Variants in IQSEC1 observed in about 807,000 individuals in gnomAD.
IQSEC1 encodes the protein IQ motif and Sec7 domain ArfGEF 1.
IQSEC1 carries 31 observed loss-of-function variants against 91.0 expected under a neutral mutation model. That is an observed-to-expected ratio of 0.34 (90% CI 0.26 to 0.46). The LOEUF (loss-of-function observed/expected upper bound fraction) is 0.46. Ranked by LOEUF, IQSEC1 falls within the 20% of genes least tolerant of loss-of-function variation. The pLI is 1.00. For synonymous variants in IQSEC1, 699 were observed against 662.6 expected (o/e 1.05, Z -0.84); for missense variants, 1,388 against 1,575.6 (o/e 0.88, Z 2.02).
intron 2 of IQSEC1, among the ~76,000 whole-genome samples, chr3:13,150,277 G>A (rs550292529): frequency 1.3e-5 from 2 of 152,238 alleles, no homozygotes; most frequent in Non-Finnish European, 2.9e-5. Flanking sequence ...GACAAGATCA[G>A]ACACCTGGGA....
At chr3:13,248,745 A>G (rs1695146720) in intron 1 of IQSEC1, among the ~76,000 whole-genome samples, 1 of 128,438 alleles carries the variant, frequency 7.8e-6, no homozygotes, top group Non-Finnish European at 1.6e-5. Flanking sequence ...AGACCAGGCT[A>G]TTTTTATTAT....
At chr3:12,913,388 T>C in intron 9 of IQSEC1, 40 bp downstream of exon 9, 1 of 1,552,084 alleles carries the variant, frequency 6.4e-7, no homozygotes, top group Non-Finnish European at 8.8e-7. Flanking sequence ...GGCTCAGGCT[T>C]GAGGTCCCTG....
intron 1 of IQSEC1, among the ~76,000 whole-genome samples, chr3:12,957,860 C>G (rs2125460051): frequency 6.6e-6 from 1 of 152,374 alleles, no homozygotes; most frequent in African/African-American, 2.4e-5. Context: ...AGTCCATGAA[C>G]TACGGTGACA....
At chr3:13,130,240 A>C (rs1249082576) in intron 2 of IQSEC1, among the ~76,000 whole-genome samples, 4 of 150,720 alleles carry the variant, frequency 2.7e-5, no homozygotes, top group African/African-American at 2.4e-5. Context: ...GCTACTCGGA[A>C]GGCTAAGATA....
Position 12,909,552 on chromosome 3 carries a change from C to T in IQSEC1, c.2417-118G>A, listed in dbSNP as rs1247598757. On this transcript the variant is annotated intron_variant, in intron 10 of 13. Coordinates refer to ENST00000613206, the MANE Select transcript of IQSEC1 (RefSeq NM_001134382.3). This position sits in a 1 kb window ranked among gnomAD's most constrained non-coding sequence, Gnocchi z 4.9. ...TTGTGCGTGAGCCTGGGATAAGTGC[C>T]GGGAGTCCAGCCTCCGCAGTGGCAG... is the stretch of plus-strand genomic sequence containing the variant. 11 of 1,031,874 alleles carry T rather than the reference C, an allele frequency of 1.1e-5. No homozygotes were observed. The highest frequency in any genetic ancestry group is 9.2e-5 in the Admixed American group (4 of 43,444). 63.9% of individuals were successfully genotyped at this position (1,031,874 alleles called of 1,614,324 possible). A position where few individuals can be genotyped will look rare whatever the true frequency, so the allele number is the denominator to read the frequency against.
chr3:13,272,918 AAG>A, intron 1 of IQSEC1, among the ~76,000 whole-genome samples: 1 of 152,224 alleles, frequency 6.6e-6, no homozygotes, highest in East Asian at 1.9e-4. Context: ...GTGGGTAGAT[AAG>A]AGACATGTGC....
intron 1 of IQSEC1, among the ~76,000 whole-genome samples, chr3:13,206,200 T>TCCATCCAC (rs1417460528): frequency 7.1e-6 from 1 of 141,438 alleles, no homozygotes; most frequent in Admixed American, 7.0e-5. Flanking sequence ...CATCCACCCC[T>TCCATCCAC]CCATCCACCC....
rs187162134 is a variant in IQSEC1, at chr3:12,987,408, C to A, written c.24-45543G>T. On this transcript the variant is annotated intron_variant, in intron 1 of 13. Coordinates refer to ENST00000613206, the MANE Select transcript of IQSEC1 (RefSeq NM_001134382.3). ...CCTGGGAATGGGTATATGTGTGCAC[C>A]TGGGGCCGTGCATGTGCACACATGT... Among the ~76,000 whole-genome samples the A allele has an allele frequency of 1.3e-3, 192 of 152,312 alleles. 1 individual carries two copies. The highest frequency in any genetic ancestry group is 4.4e-3 in the African/African-American group (183 of 41,568).
intron 1 of IQSEC1, among the ~76,000 whole-genome samples, chr3:13,023,994 A>G (rs1379157410): frequency 2.0e-5 from 3 of 152,160 alleles, no homozygotes; most frequent in Non-Finnish European, 4.4e-5. Flanking sequence ...TCCCCATTCC[A>G]TCATGGAACC....
In IQSEC1 at chr3:12,967,709, C is replaced by G. The variant is rs966582496; in HGVS notation, c.24-25844G>C. 47 of 1,123,802 alleles carry G rather than the reference C, an allele frequency of 4.2e-5. No individual in the cohort carries two copies. Among genetic ancestry groups the G allele is most frequent in the African/African-American group, 6.7e-5 (4 of 59,584 alleles). The allele number at this position is 1,123,802 out of a possible 1,614,324, so 69.6% of individuals were successfully genotyped here. On this transcript the variant is annotated intron_variant, in intron 1 of 13. Coordinates refer to ENST00000613206, the MANE Select transcript of IQSEC1 (RefSeq NM_001134382.3). This position sits in a 1 kb window ranked among gnomAD's most constrained non-coding sequence, Gnocchi z 5.9. Reference sequence around the variant, plus strand: ...CGCTTGGCGCAGCGCGAGGCCGGGCCGGAGGAATGTGGCCCTGAAGTGGGC... The same window carrying G: ...CGCTTGGCGCAGCGCGAGGCCGGGCGGGAGGAATGTGGCCCTGAAGTGGGC...
chr3:13,005,973 G>A (rs1702618853), intron 1 of IQSEC1, among the ~76,000 whole-genome samples: 1 of 152,218 alleles, frequency 6.6e-6, no homozygotes, highest in African/African-American at 2.4e-5. Context: ...TCTGATATGA[G>A]CAACTTAAGG....
At chr3:13,249,012 C>CT (rs1695151164) in intron 1 of IQSEC1, among the ~76,000 whole-genome samples, 2 of 152,124 alleles carry the variant, frequency 1.3e-5, no homozygotes, top group Non-Finnish European at 2.9e-5. Flanking sequence ...CAATTCCCCT[C>CT]TTATGAGAGG....
rs535936488 is a variant in IQSEC1, at chr3:13,164,562, A to G, written c.273-429T>C. On this transcript the variant is annotated intron_variant, in intron 1 of 15. Transcript: ENST00000648114. ...TGCGACTGGCCTCACTGCATCCCCT[A>G]CTTGGTATTTCCAGTGTTATTTCCC... is the stretch of plus-strand genomic sequence containing the variant. 6.6e-5 allele frequency among the ~76,000 whole-genome samples: 10 copies of G among 152,230 alleles called. No homozygotes were observed. The East Asian group carries it at 1.9e-3, about 29-fold the overall frequency.
In IQSEC1 at chr3:12,935,149, G is replaced by A. The variant is rs1351054282; in HGVS notation, c.1568+299C>T. 3.3e-5 allele frequency among the ~76,000 whole-genome samples: 5 copies of A among 152,208 alleles called. No homozygotes were observed. Among genetic ancestry groups the A allele is most frequent in the Non-Finnish European group, 5.9e-5 (4 of 68,048 alleles). ...CCCAACATACCCCACTTGCTATGGC[G>A]GACTTGGGGGGGATGGGACGGAAGG... On this transcript the variant is annotated intron_variant, in intron 3 of 13. Transcript: ENST00000613206. The surrounding 1 kb of genome is among the most constrained non-coding windows in gnomAD (Gnocchi z 8.0).
At chr3:12,998,944 C>G (rs1702321889) in intron 1 of IQSEC1, among the ~76,000 whole-genome samples, 2 of 152,042 alleles carry the variant, frequency 1.3e-5, no homozygotes, top group African/African-American at 4.8e-5. Flanking sequence ...AAGCTTTGCC[C>G]CCCTAGACGT....
intron 2 of IQSEC1, among the ~76,000 whole-genome samples, chr3:13,098,160 C>G (rs892957500): frequency 6.6e-6 from 1 of 152,246 alleles, no homozygotes; most frequent in Non-Finnish European, 1.5e-5. Flanking sequence ...ATTCAACAAA[C>G]ATTTATTGAG....
intron 1 of IQSEC1, among the ~76,000 whole-genome samples, chr3:13,266,800 C>T (rs1363420552): frequency 6.6e-6 from 1 of 152,130 alleles, no homozygotes; most frequent in East Asian, 1.9e-4. Flanking sequence ...ACAACGCTCG[C>T]TGCCTCCTCC....
chr3:13,152,291 C>T (rs1379109332), intron 2 of IQSEC1, among the ~76,000 whole-genome samples: 1 of 152,242 alleles, frequency 6.6e-6, no homozygotes, highest in East Asian at 1.9e-4. Flanking sequence ...GATTTACATG[C>T]CAAATGTTCA....
chr3:13,113,212 C>A (rs748727914), intron 2 of IQSEC1, among the ~76,000 whole-genome samples: 2 of 152,182 alleles, frequency 1.3e-5, no homozygotes, highest in Non-Finnish European at 2.9e-5. Flanking sequence ...TGGTCGGCTG[C>A]CCCTTTGCCT....
Sources: gnomAD v4.1 joint callset for allele counts (sites outside exome capture counted in the v4.1 genomes callset) on GRCh38, gnomAD v4.1.1 for gene constraint, Gnocchi (gnomAD v3.1) non-coding constraint, MANE v1.5 for transcripts, NCBI Gene and HGNC (gene_info 2026-07-23, HGNC 2026-07-21) for gene names.